SOBP: variants seen among roughly 807,000 people sequenced by gnomAD.
SOBP encodes sine oculis-binding protein homolog.
Under a neutral mutation model 53.6 loss-of-function variants are expected in SOBP, and 4 were observed. That is an observed-to-expected ratio of 0.07 (90% CI 0.04 to 0.17). The LOEUF is 0.17. SOBP is among the 10% of genes least tolerant of loss of function. The probability of loss-of-function intolerance (pLI) is 1.00; values close to 1 mark genes in which losing one functional copy is unlikely to be tolerated. For synonymous variants in SOBP, 584 were observed against 522.6 expected, an observed-to-expected ratio of 1.12 and a Z score of -1.60; for missense variants, 1,088 against 1,204.7, an observed-to-expected ratio of 0.90 and a Z score of 1.43.
At chr6:107,594,147 C>G (rs558938837) in intron 5 of SOBP, among the ~76,000 whole-genome samples, 56 of 152,292 alleles carry the variant, frequency 3.7e-4, no homozygotes, top group African/African-American at 1.3e-3. Context: ...TTGCCCAAAT[C>G]ACTGAATCTC....
intron 1 of SOBP, among the ~76,000 whole-genome samples, chr6:107,499,472 A>C (rs987659250): frequency 1.3e-5 from 2 of 152,206 alleles, no homozygotes; most frequent in African/African-American, 4.8e-5. Context: ...CCCAAATTGG[A>C]CCACATGGTT....
At chr6:107,590,008 A>G (rs965702130) in intron 5 of SOBP, among the ~76,000 whole-genome samples, 2 of 152,234 alleles carry the variant, frequency 1.3e-5, no homozygotes, top group African/African-American at 4.8e-5. Context: ...AGAGCCAGCC[A>G]TGGGTGAGAC....
chr6:107,589,643 G>A (rs1785680415), intron 5 of SOBP, among the ~76,000 whole-genome samples: 1 of 152,342 alleles, frequency 6.6e-6, no homozygotes, highest in East Asian at 1.9e-4. Flanking sequence ...GTACAACACA[G>A]ATGACTAGAT....
At chr6:107,576,660 G>A (rs558899484) in intron 4 of SOBP, among the ~76,000 whole-genome samples, 1 of 152,212 alleles carries the variant, frequency 6.6e-6, no homozygotes, top group Non-Finnish European at 1.5e-5. Flanking sequence ...AGCCAAAGCT[G>A]CAGGGAATCA....
intron 3 of SOBP, among the ~76,000 whole-genome samples, chr6:107,528,860 C>A (rs779454041): frequency 6.6e-6 from 1 of 152,144 alleles, no homozygotes; most frequent in Admixed American, 6.5e-5. Context: ...ATGGCCTGGT[C>A]CTCAGTAAGG....
chr6:107,618,991 C>T (rs1195940463), intron 5 of SOBP, among the ~76,000 whole-genome samples: 1 of 152,032 alleles, frequency 6.6e-6, no homozygotes, highest in African/African-American at 2.4e-5. Context: ...TGAGCAGGGG[C>T]GGGGGAGCAC....
chr6:107,502,493 A>G (rs1223838728), intron 1 of SOBP, among the ~76,000 whole-genome samples: 1 of 152,208 alleles, frequency 6.6e-6, no homozygotes, highest in African/African-American at 2.4e-5. Context: ...TCACTTTAAT[A>G]TGATATTAAA....
chr6:107,500,746 C>T (rs1257992662), intron 1 of SOBP, among the ~76,000 whole-genome samples: 4 of 152,064 alleles, frequency 2.6e-5, no homozygotes, highest in Non-Finnish European at 4.4e-5. Context: ...AGGATGGTCT[C>T]GATCTCCTGA....
rs1770814590 is a variant in SOBP, at chr6:107,633,642, G to C, written c.798G>C (p.Glu266Asp). The C allele has an allele frequency of 6.2e-7, 1 of 1,614,124 alleles. No individual in the cohort carries two copies. The highest frequency in any genetic ancestry group is 1.7e-5 in the Admixed American group (1 of 60,008). Reference protein sequence around the residue: ...NQYKMDIFYKETQANLPAGLC... With the variant: ...NQYKMDIFYKDTQANLPAGLC... Reference sequence around the variant, plus strand: ...ACAAAATGGACATTTTCTACAAAGAGACCCAGGCCAATCTTCCAGCTGGGC... The same window carrying C: ...ACAAAATGGACATTTTCTACAAAGACACCCAGGCCAATCTTCCAGCTGGGC... Residue 266 changes from glutamate to aspartate, a missense_variant, in exon 6 of 7, where the codon GAG becomes GAC. Physicochemically the swap from Glu to Asp is conservative, Grantham distance 45. Coordinates refer to ENST00000317357, the MANE Select transcript of SOBP (RefSeq NM_018013.4).
At chr6:107,555,046 G>A (rs535279422) in intron 4 of SOBP, among the ~76,000 whole-genome samples, 4 of 152,112 alleles carry the variant, frequency 2.6e-5, no homozygotes, top group South Asian at 2.1e-4. Context: ...AATGCATTGC[G>A]CAAACACAAA....
In SOBP at chr6:107,540,303, C is replaced by T. The variant is rs1784114460; in HGVS notation, c.573+6693C>T. Among the ~76,000 whole-genome samples, 6 of 152,248 alleles carry T rather than the reference C, an allele frequency of 3.9e-5. No homozygotes were observed. In the South Asian group the frequency reaches 1.2e-3, roughly 31 times the overall value. ...TCTGGATAGCTTATGTACACATAAA[C>T]AGAAGTGTGAACTGGCCAAGCCATA... On this transcript the variant is annotated intron_variant, in intron 4 of 6. Coordinates refer to ENST00000317357, the MANE Select transcript of SOBP (RefSeq NM_018013.4).
intron 5 of SOBP, among the ~76,000 whole-genome samples, chr6:107,633,117 T>C (rs1006223798): frequency 6.6e-6 from 1 of 152,244 alleles, no homozygotes; most frequent in Non-Finnish European, 1.5e-5. Context: ...TTCAAGCCCA[T>C]TGAACTTTCT....
chr6:107,574,313 C>T (rs1044093763), intron 4 of SOBP, among the ~76,000 whole-genome samples: 1 of 152,076 alleles, frequency 6.6e-6, no homozygotes, highest in African/African-American at 2.4e-5. Flanking sequence ...TCTTATTCCC[C>T]TTTTACTATT....
At chr6:107,585,197 A>G (rs1192013039) in intron 4 of SOBP, among the ~76,000 whole-genome samples, 1 of 152,238 alleles carries the variant, frequency 6.6e-6, no homozygotes, top group African/African-American at 2.4e-5. Context: ...TGTTTGTTAA[A>G]TATCAACTAA....
rs192956293 is a variant in SOBP at position 107,521,368 on chromosome 6, T to C, written c.422-12091T>C. ...GGAATGATGAGATTTTTAAATATTC[T>C]ACTTAATTTGAGAAAGCTATGAACA... On this transcript the variant is annotated intron_variant, in intron 3 of 6. Coordinates refer to ENST00000317357, the MANE Select transcript of SOBP (RefSeq NM_018013.4). Among the ~76,000 whole-genome samples the C allele has an allele frequency of 1.2e-4, 18 of 152,342 alleles. No homozygotes were observed. In the East Asian group the frequency reaches 2.1e-3, roughly 18 times the overall value.
chr6:107,495,889 CTT>C (rs1466565288), intron 1 of SOBP, among the ~76,000 whole-genome samples: 4 of 152,016 alleles, frequency 2.6e-5, no homozygotes, highest in Admixed American at 1.3e-4. Flanking sequence ...AAGTCTAAAA[CTT>C]CCTCTTGTGG....
At chr6:107,513,880 C>T (rs369456310) in intron 3 of SOBP, 1 of 152,462 alleles carries the variant, frequency 6.6e-6, no homozygotes. Flanking sequence ...AGTTTTTGAG[C>T]ATGTATTATG....
At chr6:107,515,435 G>T (rs1277934350) in intron 3 of SOBP, among the ~76,000 whole-genome samples, 1 of 152,184 alleles carries the variant, frequency 6.6e-6, no homozygotes, top group Non-Finnish European at 1.5e-5. Context: ...ATAATTTAGT[G>T]TAATTTTATT....
chr6:107,651,601 G>A (rs1771804269), intron 6 of SOBP, among the ~76,000 whole-genome samples: 1 of 152,226 alleles, frequency 6.6e-6, no homozygotes, highest in African/African-American at 2.4e-5. Flanking sequence ...AGAAGATCTA[G>A]CTAAGATCAT....
Sources: allele counts gnomAD v4.1 joint callset (sites outside exome capture counted in the v4.1 genomes callset), GRCh38; gene constraint gnomAD v4.1.1; transcripts MANE v1.5; gene names NCBI Gene and HGNC (gene_info 2026-07-23, HGNC 2026-07-21).